Variants in HERC3 observed in about 807,000 individuals in gnomAD.
HERC3 encodes the protein HECT and RLD domain containing E3 ubiquitin protein ligase 3.
A neutral mutation model predicts 129.9 loss-of-function variants in HERC3; 58 were observed. The observed-to-expected ratio is 0.45, with a 90% CI of 0.36 to 0.56. The LOEUF (loss-of-function observed/expected upper bound fraction) is 0.56, where lower values mean the gene tolerates loss of function less well. Ranked by LOEUF, HERC3 falls within the 20% of genes least tolerant of loss-of-function variation. The pLI is 0.00. For synonymous variants in HERC3, 430 were observed against 451.0 expected (o/e 0.95, Z 0.59); for missense variants, 835 against 1,244.2 (o/e 0.67, Z 4.95).
rs1734833973 is a variant in HERC3, at chr4:88,697,910, G to C, written c.2658-6188G>C. The stretch of plus-strand genomic sequence containing the variant: ...CCCGCCTCCTGCTTTCGCGGCACTT[G>C]ACTGGCTTCCCACTATCAGCTGACG... On this transcript the variant is annotated intron_variant, in intron 23 of 25. Transcript: ENST00000402738. 6.1e-6 allele frequency: 6 copies of C among 988,208 alleles called. No individual in the cohort carries two copies. In the South Asian group the frequency reaches 1.0e-4, roughly 17 times the overall value. The allele number at this position is 988,208 out of a possible 1,614,324, so 61.2% of individuals were successfully genotyped here.
the HERC3 span, among the ~76,000 whole-genome samples, chr4:88,558,865 G>A: frequency 6.6e-6 from 1 of 151,796 alleles, no homozygotes; most frequent in African/African-American, 2.4e-5. Flanking sequence ...CTGCTGGGGA[G>A]GCTGAGGCAG....
chr4:88,602,320 T>G (rs1256897062), intron 2 of HERC3, among the ~76,000 whole-genome samples: 1 of 146,836 alleles, frequency 6.8e-6, no homozygotes, highest in African/African-American at 2.5e-5. Context: ...GAGAATTACT[T>G]GAACCTGTGA....
rs1332908415 is a variant in HERC3 at position 88,652,873 on chromosome 4, C to T, written c.468C>T (p.Gly156=). ...NWHCLALAAD[G]QFFTWGKNSH... ...CCAGTTATCCTGTTATTTCAGATGG[C>T]CAGTTCTTCACCTGGGGAAAGAACA... is the stretch of plus-strand genomic sequence containing the variant. Residue 156 remains glycine, a synonymous_variant, in exon 6 of 26, where the codon GGC becomes GGT. Transcript: ENST00000402738. The T allele has an allele frequency of 6.2e-7, 1 of 1,606,088 alleles. No individual in the cohort carries two copies. Among genetic ancestry groups the T allele is most frequent in the Non-Finnish European group, 8.5e-7 (1 of 1,174,492 alleles).
In HERC3 at chr4:88,644,220, G is replaced by GT. The variant is rs112207465; in HGVS notation, c.227-5614dup. On this transcript the variant is annotated intron_variant, in intron 3 of 25. Coordinates refer to ENST00000402738, the MANE Select transcript of HERC3 (RefSeq NM_014606.3). ...GCCATTCTGGAAAATGATTTGGCAG[G>GT]TTTTTTCTTTCTTTTTTTTAAATAA... 3.0e-3 allele frequency among the ~76,000 whole-genome samples: 462 copies of GT among 152,160 alleles called. 4 individuals carry two copies. The highest frequency in any genetic ancestry group is 0.01 in the African/African-American group (435 of 41,506).
intron 3 of HERC3, among the ~76,000 whole-genome samples, chr4:88,623,535 A>G (rs1329300453): frequency 6.6e-6 from 1 of 152,136 alleles, no homozygotes; most frequent in African/African-American, 2.4e-5. Context: ...AGCCTTTCCT[A>G]ACTCTCTCTG....
chr4:88,640,110 C>T (rs78898762), intron 3 of HERC3, among the ~76,000 whole-genome samples: 2 of 152,234 alleles, frequency 1.3e-5, no homozygotes, highest in Admixed American at 6.5e-5. Flanking sequence ...GAAATAGAAA[C>T]GCTTTTACAC....
chr4:88,651,750 G>T (rs1383738457), intron 4 of HERC3, among the ~76,000 whole-genome samples: 2 of 152,032 alleles, frequency 1.3e-5, no homozygotes, highest in Non-Finnish European at 2.9e-5. Context: ...ACGCCCGGCT[G>T]ATTTTTTTTG....
Position 88,670,130 on chromosome 4 carries a change from C to T in HERC3, c.1798-9C>T, listed in dbSNP as rs772316794. The T allele has an allele frequency of 1.9e-6, 3 of 1,606,994 alleles. No individual in the cohort carries two copies. Among genetic ancestry groups the T allele is most frequent in the Non-Finnish European group, 2.6e-6 (3 of 1,174,014 alleles). On this transcript the variant is annotated splice_polypyrimidine_tract_variant and intron_variant, in intron 15 of 25. Transcript: ENST00000402738. ...ATGTTTCAGTTGTCTGTATTTTGTT[C>T]TTCATTAGGTAAATCTTAAAGTGAA...
the HERC3 span, among the ~76,000 whole-genome samples, chr4:88,573,700 AG>A: frequency 6.6e-6 from 1 of 152,214 alleles, no homozygotes; most frequent in Admixed American, 6.5e-5. Context: ...CAGCAGAAAG[AG>A]TAAAAAGAAA....
At chr4:88,611,237 C>T (rs905012760) in intron 3 of HERC3, among the ~76,000 whole-genome samples, 5 of 152,080 alleles carry the variant, frequency 3.3e-5, no homozygotes, top group South Asian at 2.1e-4. Flanking sequence ...TTAACTTTTT[C>T]GTTGGTAGGT....
intron 3 of HERC3, among the ~76,000 whole-genome samples, chr4:88,632,007 A>T (rs2930806): frequency 0.1 from 15,260 of 152,168 alleles, 1,353 homozygotes; most frequent in East Asian, 0.29. Flanking sequence ...TGGCAATGAG[A>T]TTACCATTTT....
chr4:88,561,612 C>A, the HERC3 span, among the ~76,000 whole-genome samples: 3 of 152,090 alleles, frequency 2.0e-5, no homozygotes, highest in African/African-American at 7.2e-5. Context: ...CTTATTCATT[C>A]TAGCTACATT....
intron 3 of HERC3, among the ~76,000 whole-genome samples, chr4:88,635,938 TAAGCA>T: frequency 6.6e-6 from 1 of 152,104 alleles, no homozygotes; most frequent in Admixed American, 6.6e-5. Flanking sequence ...CCTTTTCAGA[TAAGCA>T]AATGCTGAGG....
intron 14 of HERC3, 150 bp downstream of exon 14, chr4:88,668,231 T>G: frequency 3.3e-6 from 2 of 601,166 alleles, no homozygotes; most frequent in South Asian, 4.6e-5. Context: ...GCTGTTAATT[T>G]TTAGCTAACC....
At chr4:88,529,213 C>T in the HERC3 span, among the ~76,000 whole-genome samples, 52 of 152,340 alleles carry the variant, frequency 3.4e-4, no homozygotes, top group African/African-American at 1.1e-3. Flanking sequence ...CTGTGGCTTA[C>T]ACCTGTAATC....
intron 8 of HERC3, 141 bp downstream of exon 8, chr4:88,655,445 G>T: frequency 2.1e-6 from 2 of 965,276 alleles, no homozygotes; most frequent in East Asian, 2.5e-5. Context: ...GTGAAATGTG[G>T]AGAAAGACCT....
chr4:88,681,606 C>G (rs1048536443), intron 21 of HERC3, among the ~76,000 whole-genome samples: 1 of 152,168 alleles, frequency 6.6e-6, no homozygotes, highest in Non-Finnish European at 1.5e-5. Flanking sequence ...CCTAGAAGAA[C>G]CCATGGATTG....
At chr4:88,573,466 T>G in the HERC3 span, among the ~76,000 whole-genome samples, 2 of 152,222 alleles carry the variant, frequency 1.3e-5, no homozygotes, top group Non-Finnish European at 2.9e-5. Flanking sequence ...CCATGAAGCA[T>G]GGACTGTTTG....
At position 88,704,863 on chromosome 4, in the gene HERC3, C is replaced by CTTTTTTTTTTTTT. The variant is rs1165694315; in HGVS notation, c.2944+256_2944+268dup. On this transcript the variant is annotated intron_variant, in intron 25 of 25. Transcript: ENST00000402738. ...TCACTGATTTTTCTTTTCTTTCTTT[C>CTTTTTTTTTTTTT]TTTTTTTTTTTTTTTGAGACAGAGT... is the stretch of plus-strand genomic sequence containing the variant. 2.4e-3 allele frequency among the ~76,000 whole-genome samples: 309 copies of CTTTTTTTTTTTTT among 130,564 alleles called. 2 individuals are homozygous for CTTTTTTTTTTTTT. Among genetic ancestry groups the CTTTTTTTTTTTTT allele is most frequent in the African/African-American group, 8.3e-3 (278 of 33,312 alleles). The allele number at this position is 130,564 out of a possible 152,430, so 85.7% of individuals were successfully genotyped here.
Sources: allele counts gnomAD v4.1 joint callset (sites outside exome capture counted in the v4.1 genomes callset), GRCh38; gene constraint gnomAD v4.1.1; transcripts MANE v1.5; gene names NCBI Gene and HGNC (gene_info 2026-07-23, HGNC 2026-07-21).